Variants in PSME4 observed in about 807,000 individuals in gnomAD.
The protein encoded by PSME4 is proteasome activator complex subunit 4.
PSME4 carries 89 observed loss-of-function variants against 253.9 expected under a neutral mutation model. The observed-to-expected ratio is 0.35, with a 90% CI of 0.30 to 0.42. The LOEUF (loss-of-function observed/expected upper bound fraction) is 0.42, where lower values mean the gene tolerates loss of function less well. PSME4 is among the 10% of genes least tolerant of loss of function. The probability of loss-of-function intolerance (pLI) is 1.00; values close to 1 mark genes in which losing one functional copy is unlikely to be tolerated. For missense variants in PSME4, 2,014 were observed against 2,195.2 expected (o/e 0.92, Z 1.65); for synonymous variants, 851 against 759.2 (o/e 1.12, Z -1.99).
Position 53,864,582 on chromosome 2 carries a change from G to A in PSME4, c.*996C>T, listed in dbSNP as rs1558634632. The A allele has an allele frequency of 1.3e-5, 2 of 152,722 alleles. No homozygotes were observed. Among genetic ancestry groups the A allele is most frequent in the East Asian group, 3.9e-4 (2 of 5,190 alleles). The allele number at this position is 152,722 out of a possible 1,614,324, so 9.5% of individuals were successfully genotyped here. A position where few individuals can be genotyped will look rare whatever the true frequency, so the allele number is the denominator to read the frequency against. ...TCTTTACAAATTACACAATGATGTT[G>A]TGTAAAAGGTTGCATCTGTACAATG... On this transcript the variant is annotated 3_prime_UTR_variant, in exon 47 of 47. Coordinates refer to ENST00000404125, the MANE Select transcript of PSME4 (RefSeq NM_014614.3).
At chr2:53,926,071 T>C (rs755237000) in intron 12 of PSME4, 48 bp from the exon 13 acceptor site, 5 of 1,505,914 alleles carry the variant, frequency 3.3e-6, no homozygotes, top group Middle Eastern at 3.4e-4. Flanking sequence ...CTTTGTTTTT[T>C]TTTCCTGAAC....
Position 53,920,915 on chromosome 2 carries a change from G to T in PSME4, c.2236C>A (p.Pro746Thr). The T allele has an allele frequency of 6.2e-7, 1 of 1,610,580 alleles. No individual in the cohort carries two copies. Residue 746 changes from proline (P) to threonine (T), a missense_variant, in exon 18 of 47, where the codon CCT (proline) becomes ACT (threonine). This residue lies in a region of PSME4 where 989 missense variants were observed against 1,021.1 expected (regional missense o/e 0.97). Transcript: ENST00000404125. ...TTGATAGGAAAGTATTCAGAAGGAGGCTTGTCAAAGCCACCTGGCACACTG... is the reference window on the plus strand; with the variant it reads ...TTGATAGGAAAGTATTCAGAAGGAGTCTTGTCAAAGCCACCTGGCACACTG... Reference protein sequence around the residue: ...YCSVPGGFDKPPSEYFPIKDW... With the variant: ...YCSVPGGFDKTPSEYFPIKDW...
chr2:53,943,363 T>A (rs1045558511), intron 3 of PSME4, among the ~76,000 whole-genome samples: 2 of 152,262 alleles, frequency 1.3e-5, no homozygotes, highest in African/African-American at 4.8e-5. Flanking sequence ...AGGCACTTCA[T>A]CTAGAAGTCA....
At chr2:53,890,404 T>G (rs549193722) in intron 36 of PSME4, among the ~76,000 whole-genome samples, 196 bp from the exon 37 acceptor site, 41 of 152,250 alleles carry the variant, frequency 2.7e-4, no homozygotes, top group African/African-American at 9.1e-4. Flanking sequence ...GCTTCTGAGC[T>G]CAAGTGATCC....
rs932128234 is a variant in PSME4, at chr2:53,901,324, T to C, written c.3285+26A>G. 34 of 1,570,904 alleles carry C rather than the reference T, an allele frequency of 2.2e-5. No homozygotes were observed. The Middle Eastern group carries it at 8.4e-4, about 39-fold the overall frequency. On this transcript the variant is annotated intron_variant, in intron 28 of 46. Transcript: ENST00000404125. ...AACAAGACAGGATTTACACTAAAACTTGAATGAAAGAATGATATTGCTTAC... is the reference window on the plus strand; with the variant it reads ...AACAAGACAGGATTTACACTAAAACCTGAATGAAAGAATGATATTGCTTAC...
rs186309828 is a variant in PSME4 at position 53,923,281 on chromosome 2, G to A, written c.1908+40C>T. The A allele has an allele frequency of 4.8e-5, 75 of 1,560,852 alleles. No homozygotes were observed. In the Middle Eastern group the frequency reaches 5.1e-4, roughly 11 times the overall value. ...AATTAACCATATAAACTAGTTGATT[G>A]TTGAGTCATTAATACATCAGTTCAA... On this transcript the variant is annotated intron_variant, in intron 15 of 46. Coordinates refer to ENST00000404125, the MANE Select transcript of PSME4 (RefSeq NM_014614.3).
At chr2:53,897,316 T>TGTGC (rs1370563853) in intron 31 of PSME4, among the ~76,000 whole-genome samples, 3 of 152,048 alleles carry the variant, frequency 2.0e-5, no homozygotes, top group African/African-American at 7.2e-5. Flanking sequence ...ATTACAGGCG[T>TGTGC]GTGCCACCAT....
chr2:53,962,060 C>G (rs1325667437), intron 1 of PSME4, among the ~76,000 whole-genome samples: 1 of 152,168 alleles, frequency 6.6e-6, no homozygotes, highest in African/African-American at 2.4e-5. Context: ...AGGCTATGAC[C>G]TAATGCTTGC....
intron 32 of PSME4, among the ~76,000 whole-genome samples, chr2:53,896,381 T>C (rs1349824403): frequency 4.6e-5 from 7 of 152,184 alleles, no homozygotes; most frequent in African/African-American, 1.4e-4. Flanking sequence ...CCATACAATT[T>C]AAATGCAATG....
At chr2:53,908,751 G>A in intron 22 of PSME4, 33 bp downstream of exon 22, 1 of 1,523,672 alleles carries the variant, frequency 6.6e-7, no homozygotes, top group Non-Finnish European at 9.0e-7. Context: ...TTATTCCAAA[G>A]TACAAATAAG....
intron 43 of PSME4, 35 bp downstream of exon 43, chr2:53,874,304 G>T: frequency 2.5e-6 from 4 of 1,583,004 alleles, no homozygotes; most frequent in South Asian, 2.3e-5. Context: ...TCTTTAAATT[G>T]ACTGAATTTC....
At position 53,935,029 on chromosome 2, in the gene PSME4, C is replaced by G. The variant is rs1007120325; in HGVS notation, c.835-302G>C. On this transcript the variant is annotated intron_variant, in intron 7 of 46. Transcript: ENST00000404125. The stretch of plus-strand genomic sequence containing the variant: ...CTAAATATAAAAAGACAAAAACATA[C>G]TGTGGCTAAACATGAAATATTTTGA... Among the ~76,000 whole-genome samples the G allele has an allele frequency of 2.0e-5, 3 of 152,154 alleles. No homozygotes were observed. The South Asian group carries it at 6.2e-4, about 31-fold the overall frequency.
At chr2:53,956,000 C>G (rs1385844933) in intron 1 of PSME4, among the ~76,000 whole-genome samples, 1 of 151,890 alleles carries the variant, frequency 6.6e-6, no homozygotes, top group Admixed American at 6.6e-5. Context: ...TACAGTGGCT[C>G]ACGCCTATAA....
chr2:53,881,594 C>A (rs1043348051), intron 41 of PSME4: 1 of 151,762 alleles, frequency 6.6e-6, no homozygotes, highest in Non-Finnish European at 1.5e-5. Context: ...GCACCTGTCA[C>A]AGGCAGAATT....
At chr2:53,895,164 G>A (rs1680085873) in intron 33 of PSME4, 88 bp from the exon 34 acceptor site, 3 of 1,145,316 alleles carry the variant, frequency 2.6e-6, no homozygotes, top group Non-Finnish European at 3.8e-6. Flanking sequence ...CACTTTTAAT[G>A]AACTCTAACT....
intron 1 of PSME4, among the ~76,000 whole-genome samples, chr2:53,954,193 C>G (rs554105755): frequency 7.9e-5 from 12 of 152,026 alleles, no homozygotes; most frequent in African/African-American, 2.9e-4. Flanking sequence ...CCGGGTGTGG[C>G]GGCACGCGCC....
At chr2:53,887,085 T>C (rs575968130) in intron 40 of PSME4, among the ~76,000 whole-genome samples, 174 bp downstream of exon 40, 2 of 152,256 alleles carry the variant, frequency 1.3e-5, no homozygotes, top group Non-Finnish European at 2.9e-5. Context: ...TGATGATGGT[T>C]GCGCAAGGAT....
In PSME4 at chr2:53,923,350, C is replaced by T; in HGVS notation, c.1879G>A (p.Val627Met). 6.2e-7 allele frequency: 1 copy of T among 1,610,476 alleles called. No homozygotes were observed. The highest frequency in any genetic ancestry group is 1.1e-5 in the South Asian group (1 of 89,906). Residue 627 changes from valine (V) to methionine (M), a missense_variant, in exon 15 of 47, where the codon GTG becomes ATG. By Grantham distance (21) the Val-to-Met change is conservative (BLOSUM62 1). Around this residue, in one of 4 missense-constraint regions of PSME4, gnomAD observed 989 missense variants for 1,021.1 expected, o/e 0.97. Coordinates refer to ENST00000404125, the MANE Select transcript of PSME4 (RefSeq NM_014614.3). ...ACAGCAGCGCGGCACATGTCTGCCA[C>T]CATGCGACCTGCTACTCTTGTTTCA... ...IFETRVAGRM[V>M]ADMCRAAVKC... is the part of the protein sequence containing the mutation.
At chr2:53,878,307 T>C (rs1032458580) in intron 41 of PSME4, among the ~76,000 whole-genome samples, 3 of 152,238 alleles carry the variant, frequency 2.0e-5, no homozygotes, top group Admixed American at 6.5e-5. Context: ...CCTATGCCTG[T>C]CTTTACTTTA....
Sources: gnomAD v4.1 joint callset for allele counts (sites outside exome capture counted in the v4.1 genomes callset) on GRCh38, gnomAD v4.1.1 for gene constraint, gnomAD v4.1.1 regional missense constraint, MANE v1.5 for transcripts, NCBI Gene and HGNC (gene_info 2026-07-23, HGNC 2026-07-21) for gene names.